The following B3GNT5 variants were observed in gnomAD, a reference collection of about 807,000 sequenced individuals.
B3GNT5 encodes UDP-GlcNAc:betaGal beta-1,3-N-acetylglucosaminyltransferase 5.
Under a neutral mutation model 25.9 loss-of-function variants are expected in B3GNT5, and 11 were observed. The ratio of observed to expected loss-of-function variants is 0.42; its 90% CI spans 0.27 to 0.70. The LOEUF (loss-of-function observed/expected upper bound fraction) is 0.70, where lower values mean the gene tolerates loss of function less well. Ranked by LOEUF, B3GNT5 falls within the 30% of genes least tolerant of loss-of-function variation. The pLI, the probability that B3GNT5 is intolerant of heterozygous loss-of-function variation, is 0.23. For missense variants in B3GNT5, 385 were observed against 458.4 expected (o/e 0.84, Z 1.46); for synonymous variants, 166 against 158.6 (o/e 1.05, Z -0.35).
rs148915025 is a variant in B3GNT5, at chr3:183,272,417, G to A, written c.*1482G>A. ...ATGTCTCATATAATAAGGTGATGTC[G>A]GAAACACGCAAAACAAAACGAAAAA... On this transcript the variant is annotated 3_prime_UTR_variant, in exon 2 of 2. Coordinates refer to ENST00000326505, the MANE Select transcript of B3GNT5 (RefSeq NM_032047.5). 2.4e-4 allele frequency: 238 copies of A among 1,000,112 alleles called. 1 individual carries two copies. Among genetic ancestry groups the A allele is most frequent in the African/African-American group, 2.4e-3 (136 of 57,320 alleles). The allele number at this position is 1,000,112 out of a possible 1,614,324, so 62.0% of individuals were successfully genotyped here. A position where few individuals can be genotyped will look rare whatever the true frequency, so the allele number is the denominator to read the frequency against.
chr3:183,259,483 T>C (rs1725387429), intron 1 of B3GNT5, among the ~76,000 whole-genome samples: 1 of 152,182 alleles, frequency 6.6e-6, no homozygotes, highest in African/African-American at 2.4e-5. Context: ...GGTTTACTTC[T>C]TACGTGTCAT....
At chr3:183,263,037 G>A (rs1178058929) in intron 1 of B3GNT5, among the ~76,000 whole-genome samples, 2 of 152,118 alleles carry the variant, frequency 1.3e-5, no homozygotes, top group South Asian at 2.1e-4. Context: ...GCTGGGCAGG[G>A]TGGGGTGGCA....
chr3:183,264,052 C>T (rs1725867451), intron 1 of B3GNT5, among the ~76,000 whole-genome samples: 1 of 152,018 alleles, frequency 6.6e-6, no homozygotes, highest in Admixed American at 6.5e-5. Context: ...CAGTTTAATC[C>T]CTCTTGCTCA....
intron 1 of B3GNT5, among the ~76,000 whole-genome samples, chr3:183,255,866 T>TA (rs906928967): frequency 3.3e-5 from 5 of 151,702 alleles, no homozygotes; most frequent in Non-Finnish European, 7.4e-5. Context: ...ACAGCTTGAA[T>TA]AATAACTCAT....
intron 1 of B3GNT5, among the ~76,000 whole-genome samples, chr3:183,255,320 A>G (rs1724943792): frequency 6.6e-6 from 1 of 152,230 alleles, no homozygotes. Flanking sequence ...CTCAAAATAA[A>G]TTTATGGTAG....
chr3:183,255,827 AAG>A (rs1404215847), intron 1 of B3GNT5, among the ~76,000 whole-genome samples: 4 of 152,112 alleles, frequency 2.6e-5, no homozygotes, highest in African/African-American at 4.8e-5. Context: ...AAAAAAGAAA[AAG>A]AAAACTTTCT....
intron 1 of B3GNT5, among the ~76,000 whole-genome samples, chr3:183,257,735 C>T (rs763388592): frequency 4.6e-5 from 7 of 152,150 alleles, no homozygotes; most frequent in East Asian, 1.9e-4. Context: ...TGGGTTATAT[C>T]GTCATCCTGT....
intron 1 of B3GNT5, among the ~76,000 whole-genome samples, chr3:183,259,091 G>A (rs990903490): frequency 6.6e-6 from 1 of 152,122 alleles, no homozygotes; most frequent in African/African-American, 2.4e-5. Context: ...ACCCATGAAC[G>A]TACACGACCA....
In B3GNT5 at chr3:183,272,995, C is replaced by G; in HGVS notation, c.*2060C>G. On this transcript the variant is annotated 3_prime_UTR_variant, in exon 2 of 2. Transcript: ENST00000326505. ...TTTCAAGGAAATATGAAGGCACTTC[C>G]TTTTTTTCTAAGAAGGAAGTTGCTA... The G allele has an allele frequency of 1.4e-6, 2 of 1,478,428 alleles. No individual in the cohort carries two copies. The highest frequency in any genetic ancestry group is 2.8e-5 in the South Asian group (2 of 71,492). 91.6% of individuals were successfully genotyped at this position (1,478,428 alleles called of 1,614,324 possible). A position where few individuals can be genotyped will look rare whatever the true frequency, so the allele number is the denominator to read the frequency against.
chr3:183,269,442 C>G (rs994007151), intron 1 of B3GNT5, 56 bp from the exon 2 acceptor site: 1 of 197,520 alleles, frequency 5.1e-6, no homozygotes, highest in African/African-American at 2.4e-5. Flanking sequence ...ATGTTTCTTT[C>G]CAGCACCTTA....
At position 183,270,160 on chromosome 3, in the gene B3GNT5, T is replaced by A. The variant is rs1039538753; in HGVS notation, c.362T>A (p.Leu121Gln). ...AATGAAAATTATGTTCGGTCTCAGC[T>A]GAATGCCAACATCAAAACTCTGTTT... is the stretch of plus-strand genomic sequence containing the variant. ...WGNENYVRSQ[L>Q]NANIKTLFAL... The change falls in exon 2 of 2, where the codon CTG becomes CAG. Residue 121 changes from leucine (L) to glutamine (Q), a missense_variant. Transcript: ENST00000326505. This position sits in a 1 kb window ranked among gnomAD's most constrained non-coding sequence, Gnocchi z 4.5. The A allele has an allele frequency of 1.2e-6, 2 of 1,614,042 alleles. No homozygotes were observed. Among genetic ancestry groups the A allele is most frequent in the African/African-American group, 1.3e-5 (1 of 74,920 alleles).
In B3GNT5 at chr3:183,270,092, T is replaced by C; in HGVS notation, c.294T>C (p.Pro98=). ...VLLLLFVKTA[P]ENYDRRSGIR... ...TTTTACTGTTTGTAAAAACTGCTCC[T>C]GAAAACTATGATCGACGTTCCGGAA... is the stretch of plus-strand genomic sequence containing the variant. The change falls in exon 2 of 2, where the codon CCT becomes CCC. Residue 98 remains proline, a synonymous_variant. Transcript: ENST00000326505. The surrounding 1 kb of genome is among the most constrained non-coding windows in gnomAD (Gnocchi z 4.5). 1.2e-6 allele frequency: 2 copies of C among 1,614,178 alleles called. No homozygotes were observed. The highest frequency in any genetic ancestry group is 1.7e-6 in the Non-Finnish European group (2 of 1,180,040).
chr3:183,268,859 T>G (rs1253256814), intron 1 of B3GNT5, among the ~76,000 whole-genome samples: 1 of 152,128 alleles, frequency 6.6e-6, no homozygotes, highest in Admixed American at 6.5e-5. Context: ...CTTCCCAGTT[T>G]AGAACATGTT....
At chr3:183,269,229 G>GTTTTTTTTTTT (rs1305607255) in intron 1 of B3GNT5, among the ~76,000 whole-genome samples, 1 of 77,022 alleles carries the variant, frequency 1.3e-5, no homozygotes, top group African/African-American at 1.1e-4. Context: ...CGTTTGGGAA[G>GTTTTTTTTTTT]CTTTTTTTTT....
Position 183,270,462 on chromosome 3 carries a change from C to A in B3GNT5, c.664C>A (p.Arg222Ser). ...TGGTGTTCAAGACTTTTGGATTGGT[C>A]GTGTTCATCGTGGTGCCCCTCCCAT... ...QIGVQDFWIG[R>S]VHRGAPPIRD... is the part of the protein sequence containing the mutation. The change falls in exon 2 of 2, where the codon CGT (arginine) becomes AGT (serine). Residue 222 changes from arginine (R) to serine (S), a missense_variant. Arg to Ser is a moderately radical substitution (Grantham distance 110). Coordinates refer to ENST00000326505, the MANE Select transcript of B3GNT5 (RefSeq NM_032047.5). The surrounding 1 kb of genome is among the most constrained non-coding windows in gnomAD (Gnocchi z 4.5). The A allele has an allele frequency of 6.2e-7, 1 of 1,614,130 alleles. No individual in the cohort carries two copies. The highest frequency in any genetic ancestry group is 1.1e-5 in the South Asian group (1 of 91,056).
intron 1 of B3GNT5, among the ~76,000 whole-genome samples, chr3:183,256,717 C>G (rs967298553): frequency 6.6e-6 from 1 of 152,288 alleles, no homozygotes; most frequent in African/African-American, 2.4e-5. Context: ...TCATAGTGCT[C>G]TAAGCAAAGT....
At chr3:183,255,828 A>C (rs1008975590) in intron 1 of B3GNT5, among the ~76,000 whole-genome samples, 4 of 152,060 alleles carry the variant, frequency 2.6e-5, no homozygotes, top group African/African-American at 9.7e-5. Context: ...AAAAAGAAAA[A>C]GAAAACTTTC....
intron 1 of B3GNT5, among the ~76,000 whole-genome samples, chr3:183,268,422 G>C (rs1049394059): frequency 6.6e-6 from 1 of 152,160 alleles, no homozygotes; most frequent in African/African-American, 2.4e-5. Context: ...GTCTGGGTGA[G>C]AAGTGATGAT....
intron 1 of B3GNT5, among the ~76,000 whole-genome samples, chr3:183,259,852 G>T (rs1448105585): frequency 6.6e-6 from 1 of 152,170 alleles, no homozygotes; most frequent in East Asian, 1.9e-4. Context: ...AGAAGAAGAA[G>T]GAGGGAAAAC....
Sources: allele counts gnomAD v4.1 joint callset (sites outside exome capture counted in the v4.1 genomes callset), GRCh38; gene constraint gnomAD v4.1.1; non-coding constraint Gnocchi (gnomAD v3.1); transcripts MANE v1.5; gene names NCBI Gene and HGNC (gene_info 2026-07-23, HGNC 2026-07-21).